ING1: variants seen among roughly 807,000 people sequenced by gnomAD.
ING1 encodes the protein inhibitor of growth protein 1.
A neutral mutation model predicts 23.1 loss-of-function variants in ING1; 4 were observed. That is an observed-to-expected ratio of 0.17 (90% CI 0.09 to 0.40). ING1 has a LOEUF of 0.40. ING1 is among the 10% of genes least tolerant of loss of function. The pLI, the probability that ING1 is intolerant of heterozygous loss-of-function variation, is 1.00. For synonymous variants in ING1, 179 were observed against 166.4 expected (o/e 1.08, Z -0.58); for missense variants, 256 against 393.8 (o/e 0.65, Z 2.96).
intron 1 of ING1, among the ~76,000 whole-genome samples, chr13:110,718,168 G>A (rs1409385530): frequency 6.6e-6 from 1 of 152,230 alleles, no homozygotes; most frequent in Non-Finnish European, 1.5e-5. Context: ...TTTAACAGAT[G>A]TGAAGATGTT....
upstream of ING1, chr13:110,712,991 G>T: frequency 6.5e-7 from 1 of 1,548,612 alleles, no homozygotes; most frequent in Non-Finnish European, 8.7e-7. Context: ...GGTCTCCCGC[G>T]CACTCTGCGG....
At chr13:110,713,369 G>C (rs983380748), upstream of ING1, 11 of 1,058,148 alleles carry the variant, frequency 1.0e-5, no homozygotes, top group African/African-American at 1.7e-4. Flanking sequence ...GAAGCAGGCC[G>C]CTCCCCTGCG....
rs2064180359 is a variant in ING1, at chr13:110,722,873, T to TAATCA, written c.*2942_*2943insATCAA. ...CTTAAAACACTCAAGATTTGGGATT[T>TAATCA]AGATCATGATTAGATACAATAGAAA... On this transcript the variant is annotated 3_prime_UTR_variant, in exon 2 of 2. Coordinates refer to ENST00000333219, the MANE Select transcript of ING1 (RefSeq NM_198219.3). 6.6e-6 allele frequency: 1 copy of TAATCA among 152,182 alleles called. No individual in the cohort carries two copies. Among genetic ancestry groups the TAATCA allele is most frequent in the Admixed American group, 6.5e-5 (1 of 15,278 alleles). 9.4% of individuals were successfully genotyped at this position (152,182 alleles called of 1,614,324 possible).
intron 1 of ING1, chr13:110,715,712 C>T (rs146329830): frequency 1.3e-6 from 2 of 1,591,126 alleles, no homozygotes; most frequent in South Asian, 1.1e-5. Context: ...TCCTGGCCTC[C>T]GCCCTCCAAA....
chr13:110,713,859 G>GCGGCCCCCGGCGC lies in ING1; in HGVS notation c.-289_-277dup. On this transcript the variant is annotated 5_prime_UTR_variant, in exon 1 of 2. Transcript: ENST00000333219. ...CGCCGGTGTGTGCGCGCTCGTACGC[G>GCGGCCCCCGGCGC]CGGCCCCCGGCGCCAGCCCCGCCGC... The GCGGCCCCCGGCGC allele has an allele frequency of 1.0e-6, 1 of 981,822 alleles. No homozygotes were observed. The highest frequency in any genetic ancestry group is 1.2e-6 in the Non-Finnish European group (1 of 828,418). 60.8% of individuals were successfully genotyped at this position (981,822 alleles called of 1,614,324 possible).
upstream of ING1, chr13:110,713,261 G>A (rs560975379): frequency 7.7e-5 from 104 of 1,342,610 alleles, no homozygotes; most frequent in South Asian, 1.6e-3. Flanking sequence ...CGGGGACGAA[G>A]AGTCAGGGGC....
intron 1 of ING1, among the ~76,000 whole-genome samples, chr13:110,718,542 T>C (rs1247576606): frequency 6.6e-6 from 1 of 152,216 alleles, no homozygotes; most frequent in Non-Finnish European, 1.5e-5. Context: ...GGACTGAAAC[T>C]GAGGACCTAA....
intron 1 of ING1, chr13:110,715,356 C>T (rs1028088630): frequency 6.1e-6 from 9 of 1,484,400 alleles, no homozygotes; most frequent in East Asian, 4.6e-5. Context: ...CGCGTTCTAT[C>T]CGAGACGTAG....
upstream of ING1, chr13:110,712,918 G>C (rs755435853): frequency 6.4e-7 from 1 of 1,552,692 alleles, no homozygotes; most frequent in African/African-American, 1.4e-5. Context: ...GGCGGTGACG[G>C]ATGGCGCAGG....
At position 110,719,375 on chromosome 13, in the gene ING1, A is replaced by ATGGTGGAGC; in HGVS notation, c.292_300dup (p.Leu98_Glu100dup). The ATGGTGGAGC allele has an allele frequency of 6.2e-7, 1 of 1,610,116 alleles. No individual in the cohort carries two copies. Among genetic ancestry groups the ATGGTGGAGC allele is most frequent in the Non-Finnish European group, 8.5e-7 (1 of 1,179,788 alleles). The stretch of plus-strand genomic sequence containing the variant: ...CGAGAAGATCCAGATCGTGAGCCAG[A>ATGGTGGAGC]TGGTGGAGCTGGTGGAGAACCGCAC... On this transcript the variant is annotated inframe_insertion, in exon 2 of 2. Coordinates refer to ENST00000333219, the MANE Select transcript of ING1 (RefSeq NM_198219.3). This position sits in a 1 kb window ranked among gnomAD's most constrained non-coding sequence, Gnocchi z 8.9.
chr13:110,719,320 C>G lies in ING1; in HGVS notation c.228C>G (p.Arg76=), dbSNP rs757823969. 1.1e-5 allele frequency: 18 copies of G among 1,608,882 alleles called. No individual in the cohort carries two copies. The highest frequency in any genetic ancestry group is 1.5e-5 in the Non-Finnish European group (18 of 1,179,850). Residue 76 remains arginine (R), a synonymous_variant, in exon 2 of 2, where the codon CGC becomes CGG. Transcript: ENST00000333219. The surrounding 1 kb of genome is among the most constrained non-coding windows in gnomAD (Gnocchi z 8.9). ...GGCGGATGCTGCACTGTGTGCAGCG[C>G]GCGCTGATCCGCAGCCAGGAGCTGG... ...QKRRMLHCVQ[R]ALIRSQELGD... is the part of the protein sequence containing the mutation.
chr13:110,713,710 C>G lies in ING1; in HGVS notation c.-440C>G. On this transcript the variant is annotated 5_prime_UTR_variant, in exon 1 of 2. Transcript: ENST00000333219. ...TTGAAACTGGTATTTGGGTTTTCCA[C>G]GTTGGACAAGTGCGGCTCGGCGGCC... The G allele has an allele frequency of 1.0e-6, 1 of 985,286 alleles. No individual in the cohort carries two copies. Among genetic ancestry groups the G allele is most frequent in the Non-Finnish European group, 1.2e-6 (1 of 829,932 alleles). The allele number at this position is 985,286 out of a possible 1,614,324, so 61.0% of individuals were successfully genotyped here.
At chr13:110,713,670 ATGTTTCCCAAGTGTTTGAAAC>A (rs1008569238), upstream of ING1, 1 of 985,224 alleles carries the variant, frequency 1.0e-6, no homozygotes, top group African/African-American at 1.7e-5. Flanking sequence ...GCGGGGCTGA[ATGTTTCCCAAGTGTTTGAAAC>A]TGGTATTTGG....
chr13:110,713,927 A>AGCCACC lies in ING1; in HGVS notation c.-214_-209dup, dbSNP rs1387450510. On this transcript the variant is annotated 5_prime_UTR_variant, in exon 1 of 2. Transcript: ENST00000333219. ...CCGCCGGCCGGGGCGTGCGCCCGGGAGCCACCGCCACCGCGGCCCGCGCCC... is the reference window on the plus strand; with the variant it reads ...CCGCCGGCCGGGGCGTGCGCCCGGGAGCCACCGCCACCGCCACCGCGGCCCGCGCCC... The AGCCACC allele has an allele frequency of 1.0e-6, 1 of 989,820 alleles. No individual in the cohort carries two copies. The highest frequency in any genetic ancestry group is 1.2e-6 in the Non-Finnish European group (1 of 834,150). The allele number at this position is 989,820 out of a possible 1,614,324, so 61.3% of individuals were successfully genotyped here. A position where few individuals can be genotyped will look rare whatever the true frequency, so the allele number is the denominator to read the frequency against.
At chr13:110,713,087 C>T (rs112587620), upstream of ING1, 214 of 1,441,910 alleles carry the variant, frequency 1.5e-4, no homozygotes, top group Non-Finnish European at 1.7e-4. Flanking sequence ...CCTTCCGCCT[C>T]CCGGAGGACT....
upstream of ING1, chr13:110,713,580 T>C (rs2139963095): frequency 1.0e-6 from 1 of 985,704 alleles, no homozygotes; most frequent in Non-Finnish European, 1.2e-6. Flanking sequence ...CCCCAGGGCC[T>C]GGGACGGTGA....
upstream of ING1, chr13:110,713,157 A>T: frequency 7.0e-7 from 1 of 1,430,616 alleles, no homozygotes; most frequent in Non-Finnish European, 9.1e-7. Flanking sequence ...CCTCCTCTTC[A>T]TCGTGATTGG....
Position 110,720,899 on chromosome 13 carries a change from T to A in ING1, c.*967T>A, listed in dbSNP as rs1192002216. ...TATTATTGTTCTCACTTATTATTAATAATGAAGTAGAAGTTACTTAATTGC... is the reference window on the plus strand; with the variant it reads ...TATTATTGTTCTCACTTATTATTAAAAATGAAGTAGAAGTTACTTAATTGC... On this transcript the variant is annotated 3_prime_UTR_variant, in exon 2 of 2. Coordinates refer to ENST00000333219, the MANE Select transcript of ING1 (RefSeq NM_198219.3). The A allele has an allele frequency of 6.0e-6, 1 of 167,140 alleles. No individual in the cohort carries two copies. Among genetic ancestry groups the A allele is most frequent in the African/African-American group, 2.4e-5 (1 of 41,466 alleles). The allele number at this position is 167,140 out of a possible 1,614,324, so 10.4% of individuals were successfully genotyped here.
rs1486533451 is a variant in ING1, at chr13:110,720,229, C to T, written c.*297C>T. 4.2e-6 allele frequency: 1 copy of T among 238,388 alleles called. No homozygotes were observed. The highest frequency in any genetic ancestry group is 8.7e-6 in the Non-Finnish European group (1 of 115,080). 14.8% of individuals were successfully genotyped at this position (238,388 alleles called of 1,614,324 possible). ...AGGAGGGGGACTAAACTCAACCTAA[C>T]ACATTAAATGTGGAAGGAAAATATT... On this transcript the variant is annotated 3_prime_UTR_variant, in exon 2 of 2. Coordinates refer to ENST00000333219, the MANE Select transcript of ING1 (RefSeq NM_198219.3).
Sources: allele counts gnomAD v4.1 joint callset (sites outside exome capture counted in the v4.1 genomes callset), GRCh38; gene constraint gnomAD v4.1.1; non-coding constraint Gnocchi (gnomAD v3.1); transcripts MANE v1.5; gene names NCBI Gene and HGNC (gene_info 2026-07-23, HGNC 2026-07-21).